SEMA6D: variants seen among roughly 807,000 people sequenced by gnomAD.
The protein encoded by SEMA6D is semaphorin-6D.
SEMA6D carries 35 observed loss-of-function variants against 106.6 expected under a neutral mutation model. The observed-to-expected ratio is 0.33, with a 90% CI of 0.25 to 0.44. The LOEUF (loss-of-function observed/expected upper bound fraction) is 0.44, where lower values mean the gene tolerates loss of function less well. Ranked by LOEUF, SEMA6D falls within the 20% of genes least tolerant of loss-of-function variation. The probability of loss-of-function intolerance (pLI) is 1.00; values close to 1 mark genes in which losing one functional copy is unlikely to be tolerated. For synonymous variants in SEMA6D, 499 were observed against 487.7 expected (o/e 1.02, Z -0.31); for missense variants, 1,185 against 1,345.9 (o/e 0.88, Z 1.87).
chr15:47,485,318 C>A (rs2043267540), intron 3 of SEMA6D, among the ~76,000 whole-genome samples: 1 of 152,072 alleles, frequency 6.6e-6, no homozygotes, highest in Non-Finnish European at 1.5e-5. Context: ...ATCTGTGTTT[C>A]TCAGGATATC....
Position 47,768,565 on chromosome 15 carries a change from C to A in SEMA6D, c.1766-16C>A, listed in dbSNP as rs778489588. On this transcript the variant is annotated splice_polypyrimidine_tract_variant and intron_variant, in intron 17 of 18. Coordinates refer to ENST00000536845, the MANE Select transcript of SEMA6D (RefSeq NM_001358351.3). ...TGACACTATCCATATTAATAAAAAT[C>A]TGTTTGCCACCACAGACATGGAGGT... 1.5e-5 allele frequency: 24 copies of A among 1,581,584 alleles called. No homozygotes were observed. The highest frequency in any genetic ancestry group is 2.1e-5 in the Non-Finnish European group (24 of 1,161,306).
Position 47,306,094 on chromosome 15 carries a change from G to C in SEMA6D, c.-238-106299G>C, listed in dbSNP as rs998175729. On this transcript the variant is annotated intron_variant, in intron 1 of 19. Coordinates refer to the SEMA6D transcript ENST00000558014. ...CCTCCTGGGTTCAAGTGATTCTCCT[G>C]TCTCAGCCTCCCCAGTAGCTGGGAC... Among the ~76,000 whole-genome samples, 5 of 151,952 alleles carry C rather than the reference G, an allele frequency of 3.3e-5. No individual in the cohort carries two copies. In the South Asian group the frequency reaches 6.2e-4, roughly 19 times the overall value.
At chr15:47,271,763 T>C (rs886241829) in intron 1 of SEMA6D, among the ~76,000 whole-genome samples, 4 of 152,182 alleles carry the variant, frequency 2.6e-5, no homozygotes, top group Non-Finnish European at 5.9e-5. Context: ...AAAGGTTGTA[T>C]TAAAGAACCA....
chr15:47,199,417 A>C (rs1894568989), intron 1 of SEMA6D, among the ~76,000 whole-genome samples: 2 of 152,178 alleles, frequency 1.3e-5, no homozygotes, highest in Non-Finnish European at 2.9e-5. Context: ...TAAGCAAGCC[A>C]CTTAGAGCTC....
chr15:47,681,154 G>C (rs1386491554), intron 4 of SEMA6D, among the ~76,000 whole-genome samples: 1 of 152,200 alleles, frequency 6.6e-6, no homozygotes, highest in African/African-American at 2.4e-5. Context: ...TGCAGCATTA[G>C]TCACAATAGC....
At chr15:47,514,601 C>G (rs2044330210) in intron 3 of SEMA6D, among the ~76,000 whole-genome samples, 1 of 152,188 alleles carries the variant, frequency 6.6e-6, no homozygotes, top group African/African-American at 2.4e-5. Flanking sequence ...CATCAGAAAA[C>G]TATGAAAGCT....
chr15:47,369,210 G>A (rs533050090), intron 1 of SEMA6D, among the ~76,000 whole-genome samples: 10 of 152,248 alleles, frequency 6.6e-5, no homozygotes, highest in African/African-American at 2.4e-4. Flanking sequence ...TTCTGTTTGT[G>A]AATATAAATT....
At chr15:47,235,927 T>G (rs2032511774) in intron 1 of SEMA6D, among the ~76,000 whole-genome samples, 1 of 152,108 alleles carries the variant, frequency 6.6e-6, no homozygotes, top group Non-Finnish European at 1.5e-5. Context: ...TCTTTGTTAC[T>G]TTGTTACATT....
chr15:47,359,747 G>A (rs2038726877), intron 1 of SEMA6D: 1 of 152,102 alleles, frequency 6.6e-6, no homozygotes, highest in South Asian at 2.1e-4. Flanking sequence ...TGGTATTTCT[G>A]GTAGAATGGC....
intron 3 of SEMA6D, among the ~76,000 whole-genome samples, chr15:47,479,615 T>C (rs1360218126): frequency 1.3e-5 from 2 of 152,200 alleles, no homozygotes; most frequent in Non-Finnish European, 2.9e-5. Context: ...GTTGGAGTTT[T>C]AGAGTAGTGA....
intron 2 of SEMA6D, among the ~76,000 whole-genome samples, chr15:47,419,109 T>C (rs774385235): frequency 6.6e-6 from 1 of 151,912 alleles, no homozygotes; most frequent in East Asian, 1.9e-4. Flanking sequence ...ACACAGAGAG[T>C]GAATTTCAGG....
At chr15:47,685,354 G>C (rs750069853) in intron 4 of SEMA6D, among the ~76,000 whole-genome samples, 1 of 152,198 alleles carries the variant, frequency 6.6e-6, no homozygotes, top group Non-Finnish European at 1.5e-5. Context: ...AGAGAAGGGG[G>C]ATGAGGCAGA....
intron 1 of SEMA6D, among the ~76,000 whole-genome samples, chr15:47,739,914 T>C (rs79616730): frequency 0.03 from 4,619 of 152,242 alleles, 243 homozygotes; most frequent in African/African-American, 0.11. Context: ...TTTGCATAAG[T>C]TTAAGTTTTC....
chr15:47,512,083 C>T (rs915639026), intron 3 of SEMA6D, among the ~76,000 whole-genome samples: 9 of 152,092 alleles, frequency 5.9e-5, no homozygotes, highest in Non-Finnish European at 1.0e-4. Context: ...AGTCAACATC[C>T]GCACACGTAA....
intron 3 of SEMA6D, among the ~76,000 whole-genome samples, chr15:47,516,879 A>G (rs1251205788): frequency 2.6e-5 from 4 of 152,226 alleles, no homozygotes; most frequent in Non-Finnish European, 5.9e-5. Context: ...TGTTTTGAAT[A>G]ATTCATTTTT....
chr15:47,381,501 A>G (rs868112093), intron 1 of SEMA6D, among the ~76,000 whole-genome samples: 7 of 152,188 alleles, frequency 4.6e-5, no homozygotes, highest in Non-Finnish European at 7.3e-5. Flanking sequence ...CACACTAGCT[A>G]CACCTGTGGC....
Position 47,772,210 on chromosome 15 carries a change from C to CA in SEMA6D, c.*433dup, listed in dbSNP as rs913876434. 18 of 156,328 alleles carry CA rather than the reference C, an allele frequency of 1.2e-4. No homozygotes were observed. Among genetic ancestry groups the CA allele is most frequent in the Middle Eastern group, 6.5e-3 (2 of 306 alleles). 9.7% of individuals were successfully genotyped at this position (156,328 alleles called of 1,614,324 possible). The stretch of plus-strand genomic sequence containing the variant: ...TTCACCTTGCCTCTTGCACAAATGT[C>CA]AAAAAAAAGATGGTAATATCTCAAA... On this transcript the variant is annotated 3_prime_UTR_variant, in exon 19 of 19. Coordinates refer to ENST00000536845, the MANE Select transcript of SEMA6D (RefSeq NM_001358351.3).
chr15:47,234,038 C>G (rs1344930808), intron 1 of SEMA6D, among the ~76,000 whole-genome samples: 1 of 151,944 alleles, frequency 6.6e-6, no homozygotes, highest in Non-Finnish European at 1.5e-5. Flanking sequence ...ATGTCTGCTG[C>G]CTGAGAAAAT....
At chr15:47,638,297 G>T (rs1490101091) in intron 4 of SEMA6D, among the ~76,000 whole-genome samples, 1 of 152,030 alleles carries the variant, frequency 6.6e-6, no homozygotes, top group African/African-American at 2.4e-5. Context: ...GATGGGAGGG[G>T]TGAGTAAGAT....
Sources: allele counts gnomAD v4.1 joint callset (sites outside exome capture counted in the v4.1 genomes callset), GRCh38; gene constraint gnomAD v4.1.1; transcripts MANE v1.5; gene names NCBI Gene and HGNC (gene_info 2026-07-23, HGNC 2026-07-21).